PGD: variants seen among roughly 807,000 people sequenced by gnomAD.
The protein encoded by PGD is 6-phosphogluconate dehydrogenase, decarboxylating.
Under a neutral mutation model 60.4 loss-of-function variants are expected in PGD, and 21 were observed. That is an observed-to-expected ratio of 0.35 (90% CI 0.25 to 0.50). The LOEUF is 0.50. Among genes scored for constraint, PGD ranks in the 20% least tolerant of loss-of-function variants. The pLI, the probability that PGD is intolerant of heterozygous loss-of-function variation, is 0.98. For missense variants in PGD, 477 were observed against 613.1 expected, an observed-to-expected ratio of 0.78 and a Z score of 2.34; for synonymous variants, 230 against 235.9, an observed-to-expected ratio of 0.97 and a Z score of 0.23.
intron 4 of PGD, 35 bp downstream of exon 4, chr1:10,403,171 C>G (rs537403025): frequency 6.9e-7 from 1 of 1,441,408 alleles, no homozygotes; most frequent in East Asian, 2.3e-5. Context: ...TTCCAGGTTC[C>G]GAGAACATTC....
At chr1:10,409,957 G>A (rs1171971578) in intron 6 of PGD, among the ~76,000 whole-genome samples, 1 of 152,104 alleles carries the variant, frequency 6.6e-6, no homozygotes, top group Non-Finnish European at 1.5e-5. Flanking sequence ...CACCCAGCCT[G>A]CAACTTTTTT....
At chr1:10,399,226 G>A in intron 1 of PGD, 101 bp downstream of exon 1, 1 of 1,393,890 alleles carries the variant, frequency 7.2e-7, no homozygotes, top group Non-Finnish European at 9.9e-7. Flanking sequence ...CCCACCCTGG[G>A]GGTCGCCTGA....
chr1:10,404,596 C>G (rs1377853354), intron 5 of PGD, among the ~76,000 whole-genome samples: 2 of 151,784 alleles, frequency 1.3e-5, no homozygotes, highest in African/African-American at 4.8e-5. Flanking sequence ...GTCTCCTGGG[C>G]TCAAGCAATT....
intron 8 of PGD, among the ~76,000 whole-genome samples, chr1:10,413,609 G>A (rs1330647026): frequency 6.6e-6 from 1 of 152,108 alleles, no homozygotes; most frequent in African/African-American, 2.4e-5. Context: ...TCATAGAAAA[G>A]TTCATGAATA....
intron 5 of PGD, among the ~76,000 whole-genome samples, chr1:10,405,239 GGCGTGC>G (rs1639380470): frequency 1.3e-5 from 2 of 151,960 alleles, no homozygotes; most frequent in African/African-American, 4.8e-5. Context: ...CGGGCATGGT[GGCGTGC>G]GCCTGTAGTC....
chr1:10,409,396 A>C (rs1200637178), intron 6 of PGD, among the ~76,000 whole-genome samples: 1 of 152,088 alleles, frequency 6.6e-6, no homozygotes, highest in East Asian at 1.9e-4. Flanking sequence ...AGAGCTGAGT[A>C]ATCTTCTCAT....
intron 6 of PGD, among the ~76,000 whole-genome samples, chr1:10,409,114 C>G (rs1314185012): frequency 6.6e-6 from 1 of 152,202 alleles, no homozygotes; most frequent in Non-Finnish European, 1.5e-5. Context: ...TCTCCAAGCT[C>G]TCTTCAGCTC....
At chr1:10,409,300 T>G (rs938914910) in intron 6 of PGD, among the ~76,000 whole-genome samples, 1 of 152,204 alleles carries the variant, frequency 6.6e-6, no homozygotes, top group African/African-American at 2.4e-5. Context: ...AGCTCACTTG[T>G]CCTTACCTTT....
chr1:10,403,258 C>T, intron 4 of PGD, 122 bp downstream of exon 4: 2 of 711,252 alleles, frequency 2.8e-6, no homozygotes, highest in Non-Finnish European at 5.1e-6. Flanking sequence ...GAGATTACTA[C>T]TGATACAATA....
At chr1:10,414,422 TGGAG>T (rs1639559396) in intron 8 of PGD, among the ~76,000 whole-genome samples, 1 of 152,096 alleles carries the variant, frequency 6.6e-6, no homozygotes. Context: ...TCACCCAGGC[TGGAG>T]TTCAGTGGCA....
chr1:10,405,101 G>A (rs1388889047), intron 5 of PGD, among the ~76,000 whole-genome samples: 2 of 151,804 alleles, frequency 1.3e-5, no homozygotes, highest in Non-Finnish European at 2.9e-5. Context: ...TTGGCCGGGC[G>A]TGGTGGCTCA....
chr1:10,403,485 G>A (rs568150149), intron 4 of PGD, among the ~76,000 whole-genome samples: 3 of 151,414 alleles, frequency 2.0e-5, no homozygotes, highest in Non-Finnish European at 2.9e-5. Context: ...CAGCTACTTG[G>A]GAGGCTGAGG....
chr1:10,414,910 G>A (rs565603049), intron 8 of PGD, among the ~76,000 whole-genome samples: 1 of 151,540 alleles, frequency 6.6e-6, no homozygotes, highest in East Asian at 2.0e-4. Context: ...GACCAACATG[G>A]CGAAACCCCA....
chr1:10,405,664 ACT>A (rs1371282591), intron 5 of PGD, among the ~76,000 whole-genome samples: 1 of 148,802 alleles, frequency 6.7e-6, no homozygotes, highest in Non-Finnish European at 1.5e-5. Context: ...ACATGGTGAA[ACT>A]CTCTACTAAT....
In PGD at chr1:10,420,394, T is replaced by C. The variant is rs993670206; in HGVS notation, c.*645T>C. Reference sequence around the variant, plus strand: ...TAACGTGCTTTTTCTTTCGTCTTTTTTTTTTTTTTTTTTTTTTTTGCTCCT... The same window carrying C: ...TAACGTGCTTTTTCTTTCGTCTTTTCTTTTTTTTTTTTTTTTTTTGCTCCT... On this transcript the variant is annotated 3_prime_UTR_variant, in exon 13 of 13. Coordinates refer to ENST00000270776, the MANE Select transcript of PGD (RefSeq NM_002631.4). Among the ~76,000 whole-genome samples the C allele has an allele frequency of 1.5e-4, 22 of 145,012 alleles. No individual in the cohort carries two copies. Among genetic ancestry groups the C allele is most frequent in the African/African-American group, 4.6e-4 (18 of 39,194 alleles).
chr1:10,404,746 C>G (rs373050357), intron 5 of PGD, among the ~76,000 whole-genome samples: 1 of 152,130 alleles, frequency 6.6e-6, no homozygotes, highest in Non-Finnish European at 1.5e-5. Flanking sequence ...GCGATCTGCC[C>G]GCCTTGGCCT....
intron 6 of PGD, among the ~76,000 whole-genome samples, chr1:10,410,107 T>C (rs1569982435): frequency 6.6e-6 from 1 of 152,134 alleles, no homozygotes; most frequent in East Asian, 1.9e-4. Flanking sequence ...GCAGCCATGT[T>C]ACTCTGTGGC....
chr1:10,402,227 T>C (rs1444453336), intron 3 of PGD, among the ~76,000 whole-genome samples: 1 of 152,050 alleles, frequency 6.6e-6, no homozygotes. Context: ...ATAGTCAGTG[T>C]TTAATCTGTA....
At chr1:10,412,804 TAAGTG>T in intron 7 of PGD, 1 of 418,766 alleles carries the variant, frequency 2.4e-6, no homozygotes, top group Non-Finnish European at 4.4e-6. Context: ...CACAGAGACC[TAAGTG>T]AAGTGAGGAG....
Sources: gnomAD v4.1 joint callset for allele counts (sites outside exome capture counted in the v4.1 genomes callset) on GRCh38, gnomAD v4.1.1 for gene constraint, MANE v1.5 for transcripts, NCBI Gene and HGNC (gene_info 2026-07-23, HGNC 2026-07-21) for gene names.